Variants in INTS9 observed in about 807,000 individuals in gnomAD.
The protein encoded by INTS9 is integrator complex subunit 9, also known as protein related to CPSF subunits of 74 kDa.
INTS9 carries 55 observed loss-of-function variants against 79.7 expected under a neutral mutation model. The observed-to-expected ratio is 0.69, with a 90% CI of 0.56 to 0.86. The LOEUF (loss-of-function observed/expected upper bound fraction) is 0.86, where lower values mean the gene tolerates loss of function less well. Among genes scored for constraint, INTS9 ranks in the 40% least tolerant of loss-of-function variants. The pLI, the probability that INTS9 is intolerant of heterozygous loss-of-function variation, is 0.00. For missense variants in INTS9, 721 were observed against 831.5 expected (o/e 0.87, Z 1.64); for synonymous variants, 319 against 325.2 (o/e 0.98, Z 0.20).
intron 8 of INTS9, among the ~76,000 whole-genome samples, chr8:28,804,819 A>G (rs1414531045): frequency 6.6e-6 from 1 of 152,256 alleles, no homozygotes; most frequent in African/African-American, 2.4e-5. Context: ...GTATAAAGAG[A>G]AACACCTAGA....
At chr8:28,856,549 G>A (rs1808172272) in intron 2 of INTS9, among the ~76,000 whole-genome samples, 1 of 152,076 alleles carries the variant, frequency 6.6e-6, no homozygotes, top group Admixed American at 6.5e-5. Context: ...AACCTCCCAA[G>A]TCAGCTAGGA....
At chr8:28,837,072 A>G (rs941961109) in intron 5 of INTS9, among the ~76,000 whole-genome samples, 4 of 152,194 alleles carry the variant, frequency 2.6e-5, no homozygotes, top group Non-Finnish European at 5.9e-5. Context: ...GCTTAGTAGA[A>G]GCAGAGAAAG....
chr8:28,777,359 C>T (rs1348215009), intron 13 of INTS9, among the ~76,000 whole-genome samples: 3 of 152,194 alleles, frequency 2.0e-5, no homozygotes, highest in South Asian at 2.1e-4. Context: ...CTACACTGCA[C>T]CCCAGCTACT....
intron 14 of INTS9, 138 bp from the exon 15 acceptor site, chr8:28,771,218 G>A: frequency 1.4e-6 from 1 of 717,536 alleles, no homozygotes; most frequent in Non-Finnish European, 2.5e-6. Context: ...TTTTGAGATG[G>A]AGTCTTGCTC....
intron 1 of INTS9, among the ~76,000 whole-genome samples, chr8:28,862,911 A>C (rs2131305256): frequency 6.6e-6 from 1 of 152,302 alleles, no homozygotes; most frequent in South Asian, 2.1e-4. Context: ...TCTTGGCTGC[A>C]CTCAGTGTTA....
intron 2 of INTS9, among the ~76,000 whole-genome samples, chr8:28,856,274 A>G (rs997539547): frequency 6.6e-6 from 1 of 152,138 alleles, no homozygotes; most frequent in Admixed American, 6.5e-5. Flanking sequence ...ATCAAAGTTA[A>G]CTCCCAGTTT....
intron 3 of INTS9, among the ~76,000 whole-genome samples, chr8:28,847,766 C>T (rs960238196): frequency 3.3e-5 from 5 of 152,092 alleles, no homozygotes; most frequent in East Asian, 1.9e-4. Flanking sequence ...GAAAACAGAA[C>T]GGAGAAGTGA....
At chr8:28,825,809 G>T (rs539806294) in intron 6 of INTS9, among the ~76,000 whole-genome samples, 1 of 152,322 alleles carries the variant, frequency 6.6e-6, no homozygotes, top group South Asian at 2.1e-4. Context: ...CAATAACCCA[G>T]AACTTATTTC....
At chr8:28,814,972 T>G (rs780660530) in intron 6 of INTS9, among the ~76,000 whole-genome samples, 3 of 152,244 alleles carry the variant, frequency 2.0e-5, no homozygotes, top group African/African-American at 7.2e-5. Flanking sequence ...CTAATTAGTT[T>G]TTTTAATCGT....
At chr8:28,886,140 T>G (rs563714520) in intron 1 of INTS9, among the ~76,000 whole-genome samples, 9 of 152,318 alleles carry the variant, frequency 5.9e-5, no homozygotes, top group African/African-American at 2.2e-4. Flanking sequence ...TAAAAAATAC[T>G]AACTTCAGCA....
intron 5 of INTS9, among the ~76,000 whole-genome samples, chr8:28,836,035 C>A (rs1208050415): frequency 6.6e-6 from 1 of 152,066 alleles, no homozygotes; most frequent in Non-Finnish European, 1.5e-5. Context: ...GTCTTGAACT[C>A]CTGACCTCAG....
At position 28,888,917 on chromosome 8, in the gene INTS9, T is replaced by TA. The variant is rs1810365079; in HGVS notation, c.9+956_9+957insT. ...AAATGGTAAAAAATAAACTTTTTTT[T>TA]TTTTTGAGACAGAGTCTCGCGCTGT... is the stretch of plus-strand genomic sequence containing the variant. On this transcript the variant is annotated intron_variant, in intron 1 of 16. Transcript: ENST00000521022. Among the ~76,000 whole-genome samples, 3 of 152,228 alleles carry TA rather than the reference T, an allele frequency of 2.0e-5. No individual in the cohort carries two copies. The East Asian group carries it at 5.8e-4, about 29-fold the overall frequency.
chr8:28,874,919 A>G (rs1193766347), intron 1 of INTS9, among the ~76,000 whole-genome samples: 1 of 152,252 alleles, frequency 6.6e-6, no homozygotes, highest in African/African-American at 2.4e-5. Flanking sequence ...GAGGACTTAC[A>G]GTTCCACGTG....
Position 28,790,554 on chromosome 8 carries a change from C to A in INTS9, c.1038-2665G>T, listed in dbSNP as rs1001257039. Among the ~76,000 whole-genome samples, 4 of 152,322 alleles carry A rather than the reference C, an allele frequency of 2.6e-5. No individual in the cohort carries two copies. In the South Asian group the frequency reaches 8.3e-4, roughly 32 times the overall value. The stretch of plus-strand genomic sequence containing the variant: ...TGTTGCTCAGGCTGATCTCGAACTC[C>A]TGGCCTCAAGCAATCCTCCCGCCTT... On this transcript the variant is annotated intron_variant, in intron 10 of 16. Transcript: ENST00000521022.
chr8:28,884,577 T>G (rs1810085746), intron 1 of INTS9, among the ~76,000 whole-genome samples: 3 of 152,200 alleles, frequency 2.0e-5, no homozygotes, highest in Admixed American at 6.5e-5. Context: ...ATATCCATCT[T>G]TATCACAGAC....
chr8:28,796,884 TC>T, intron 8 of INTS9: 1 of 455,450 alleles, frequency 2.2e-6, no homozygotes, highest in Non-Finnish European at 4.0e-6. Flanking sequence ...AAGTTCTGTA[TC>T]TTCACTGGGG....
At chr8:28,819,629 G>A (rs1805708081) in intron 6 of INTS9, among the ~76,000 whole-genome samples, 2 of 152,206 alleles carry the variant, frequency 1.3e-5, no homozygotes, top group African/African-American at 4.8e-5. Context: ...TGTATATTCT[G>A]TTGATTTGGG....
intron 7 of INTS9, 103 bp from the exon 8 acceptor site, chr8:28,812,564 A>G: frequency 7.7e-7 from 1 of 1,303,790 alleles, no homozygotes; most frequent in African/African-American, 1.5e-5. Flanking sequence ...GTTTAAAAAC[A>G]AAAATTATTT....
In INTS9 at chr8:28,874,764, C is replaced by T. The variant is rs147762148; in HGVS notation, c.9+15110G>A. Among the ~76,000 whole-genome samples, 26 of 152,294 alleles carry T rather than the reference C, an allele frequency of 1.7e-4. No individual in the cohort carries two copies. In the East Asian group the frequency reaches 4.1e-3, roughly 24 times the overall value. On this transcript the variant is annotated intron_variant, in intron 1 of 16. Coordinates refer to ENST00000521022, the MANE Select transcript of INTS9 (RefSeq NM_018250.4). ...ATTTATTAGGTCTGCCCCTGCCCCA[C>T]TTATAGTGATCTGTTGTTCCAATCA...
Sources: gnomAD v4.1 joint callset for allele counts (sites outside exome capture counted in the v4.1 genomes callset) on GRCh38, gnomAD v4.1.1 for gene constraint, MANE v1.5 for transcripts, NCBI Gene and HGNC (gene_info 2026-07-23, HGNC 2026-07-21) for gene names.